SHISA9: variants seen among roughly 807,000 people sequenced by gnomAD.
SHISA9 encodes the protein shisa family member 9, also known as protein shisa-9.
A neutral mutation model predicts 38.0 loss-of-function variants in SHISA9; 13 were observed. The ratio of observed to expected loss-of-function variants is 0.34; its 90% CI spans 0.22 to 0.54. The LOEUF is 0.54. Ranked by LOEUF, SHISA9 falls within the 20% of genes least tolerant of loss-of-function variation. SHISA9 has a pLI of 0.91. For missense variants in SHISA9, 538 were observed against 575.8 expected, an observed-to-expected ratio of 0.93 and a Z score of 0.67; for synonymous variants, 275 against 242.0, an observed-to-expected ratio of 1.14 and a Z score of -1.27.
chr16:13,163,307 A>G (rs575254221), intron 2 of SHISA9, among the ~76,000 whole-genome samples: 1 of 152,328 alleles, frequency 6.6e-6, no homozygotes, highest in Non-Finnish European at 1.5e-5. Flanking sequence ...TGACCTTTGA[A>G]AAGTTATTTA....
the SHISA9 span, among the ~76,000 whole-genome samples, chr16:13,342,412 C>T: frequency 6.6e-6 from 1 of 152,128 alleles, no homozygotes; most frequent in Non-Finnish European, 1.5e-5. Context: ...CTCAACCTCC[C>T]CAGTAGCTGG....
At chr16:13,441,451 G>A in the SHISA9 span, among the ~76,000 whole-genome samples, 5 of 152,292 alleles carry the variant, frequency 3.3e-5, no homozygotes, top group Admixed American at 1.3e-4. Context: ...GAATCCAAGA[G>A]TGGCCAACCT....
At chr16:12,943,384 A>G (rs951743864) in intron 2 of SHISA9, among the ~76,000 whole-genome samples, 1 of 97,130 alleles carries the variant, frequency 1.0e-5, no homozygotes, top group Non-Finnish European at 2.1e-5. Flanking sequence ...AGAGAGAGAG[A>G]GAGAGAGATC....
At chr16:12,995,997 T>G (rs66662761) in intron 2 of SHISA9, among the ~76,000 whole-genome samples, 34,701 of 151,980 alleles carry the variant, frequency 0.23, 4,171 homozygotes, top group Middle Eastern at 0.31. Context: ...CCCTGGAAAT[T>G]GAAGGAGGGT....
the SHISA9 span, among the ~76,000 whole-genome samples, chr16:13,310,274 G>C: frequency 6.6e-6 from 1 of 151,716 alleles, no homozygotes; most frequent in South Asian, 2.1e-4. Flanking sequence ...CTGAATTCAA[G>C]GACTGGAGGT....
the SHISA9 span, among the ~76,000 whole-genome samples, chr16:13,411,479 A>C: frequency 3.2e-4 from 48 of 152,346 alleles, no homozygotes; most frequent in African/African-American, 1.1e-3. Context: ...TGACTTAAAC[A>C]CAAAGAAGAT....
At chr16:13,077,520 A>C (rs2073597205) in intron 2 of SHISA9, among the ~76,000 whole-genome samples, 1 of 152,132 alleles carries the variant, frequency 6.6e-6, no homozygotes, top group African/African-American at 2.4e-5. Flanking sequence ...TATAAAAATG[A>C]CCCCTGAGGT....
chr16:12,953,168 TAAAAA>T (rs970033570), intron 2 of SHISA9, among the ~76,000 whole-genome samples: 1 of 124,556 alleles, frequency 8.0e-6, no homozygotes, highest in Non-Finnish European at 1.7e-5. Context: ...AGAGGAACCT[TAAAAA>T]AAAGTAAAAA....
At chr16:13,433,663 C>T in the SHISA9 span, among the ~76,000 whole-genome samples, 1 of 152,104 alleles carries the variant, frequency 6.6e-6, no homozygotes, top group African/African-American at 2.4e-5. Flanking sequence ...TAATATAACA[C>T]AAAAGGAAAT....
At chr16:13,560,854 C>A in the SHISA9 span, among the ~76,000 whole-genome samples, 3 of 151,162 alleles carry the variant, frequency 2.0e-5, no homozygotes, top group African/African-American at 7.3e-5. Context: ...TTATTCTTAA[C>A]AACTTTTTTT....
chr16:13,080,815 AC>A (rs1465081069), intron 2 of SHISA9, among the ~76,000 whole-genome samples: 7 of 152,206 alleles, frequency 4.6e-5, no homozygotes, highest in African/African-American at 1.7e-4. Flanking sequence ...AGTGGCTTAA[AC>A]AACAAATATT....
intron 2 of SHISA9, among the ~76,000 whole-genome samples, chr16:12,924,788 A>G (rs2071372851): frequency 6.6e-6 from 1 of 152,174 alleles, no homozygotes; most frequent in Non-Finnish European, 1.5e-5. Flanking sequence ...TGCAATGAAG[A>G]AGTGGGGGAC....
At chr16:13,148,719 A>ATG (rs200153913) in intron 2 of SHISA9, among the ~76,000 whole-genome samples, 1 of 68,170 alleles carries the variant, frequency 1.5e-5, no homozygotes, top group African/African-American at 1.1e-4. Flanking sequence ...ACACACACAC[A>ATG]TCATGACTAT....
the SHISA9 span, among the ~76,000 whole-genome samples, chr16:13,316,657 C>A: frequency 1.3e-5 from 2 of 152,136 alleles, no homozygotes; most frequent in African/African-American, 4.8e-5. Context: ...ATCCAATAAC[C>A]TAGGATATAC....
rs59109452 is a variant in SHISA9 at position 12,943,274 on chromosome 16, GGTGTGTGTGTGTGTGTGTGTGT to G, written c.691+26495_691+26516del. Among the ~76,000 whole-genome samples, 161 of 82,248 alleles carry G rather than the reference GGTGTGTGTGTGTGTGTGTGTGT, an allele frequency of 2.0e-3. 1 individual carries two copies. The highest frequency in any genetic ancestry group is 7.0e-3 in the Middle Eastern group (1 of 142). The allele number at this position is 82,248 out of a possible 152,430, so 54.0% of individuals were successfully genotyped here. On this transcript the variant is annotated intron_variant, in intron 2 of 4. Coordinates refer to ENST00000558583, the MANE Select transcript of SHISA9 (RefSeq NM_001145204.3). Reference sequence around the variant, plus strand: ...AGAGAATTATAATGGAACAGAGTATGGTGTGTGTGTGTGTGTGTGTGTGTGTGTGTGTGTGTGTGTGTGTGTG... The same window carrying G: ...AGAGAATTATAATGGAACAGAGTATGGTGTGTGTGTGTGTGTGTGTGTGTG...
the SHISA9 span, among the ~76,000 whole-genome samples, chr16:13,428,248 A>G: frequency 9.9e-5 from 15 of 152,142 alleles, no homozygotes; most frequent in Non-Finnish European, 1.6e-4. Flanking sequence ...TAGCATAATG[A>G]AGCTGATTAT....
intron 2 of SHISA9, among the ~76,000 whole-genome samples, chr16:13,171,924 A>G (rs2050690264): frequency 6.6e-6 from 1 of 152,212 alleles, no homozygotes; most frequent in African/African-American, 2.4e-5. Context: ...TACTAATAAC[A>G]GGACTTACTT....
chr16:13,374,039 T>C, the SHISA9 span, among the ~76,000 whole-genome samples: 1 of 152,230 alleles, frequency 6.6e-6, no homozygotes, highest in Admixed American at 6.5e-5. Flanking sequence ...TGAATCATGA[T>C]GCAGTTTCAA....
At chr16:13,089,923 T>C (rs1403052430) in intron 2 of SHISA9, among the ~76,000 whole-genome samples, 1 of 152,236 alleles carries the variant, frequency 6.6e-6, no homozygotes, top group Non-Finnish European at 1.5e-5. Flanking sequence ...TTTCCTGCTT[T>C]CTCTTGTGGG....
Sources: gnomAD v4.1 joint callset for allele counts (sites outside exome capture counted in the v4.1 genomes callset) on GRCh38, gnomAD v4.1.1 for gene constraint, MANE v1.5 for transcripts, NCBI Gene and HGNC (gene_info 2026-07-23, HGNC 2026-07-21) for gene names.